Variants in SOCS2 observed in about 807,000 individuals in gnomAD.
SOCS2 encodes the protein CIS-2.
A neutral mutation model predicts 18.6 loss-of-function variants in SOCS2; 10 were observed. The ratio of observed to expected loss-of-function variants is 0.54; its 90% CI spans 0.33 to 0.91. SOCS2 has a LOEUF of 0.91. Ranked by LOEUF, SOCS2 falls within the 40% of genes least tolerant of loss-of-function variation. The pLI is 0.02. For missense variants in SOCS2, 231 were observed against 247.2 expected (o/e 0.93, Z 0.44); for synonymous variants, 104 against 104.0 (o/e 1.00, Z 0.00).
chr12:93,619,221 T>C, the SOCS2 span, among the ~76,000 whole-genome samples: 1 of 152,184 alleles, frequency 6.6e-6, no homozygotes, highest in African/African-American at 2.4e-5. Flanking sequence ...AAGCGGTGAC[T>C]GGGTAAGTTG....
the SOCS2 span, among the ~76,000 whole-genome samples, chr12:93,611,117 T>G: frequency 6.6e-6 from 1 of 152,148 alleles, no homozygotes. Context: ...GGAGATGAAC[T>G]TCTGGCCAGT....
At chr12:93,612,841 G>A in the SOCS2 span, among the ~76,000 whole-genome samples, 7 of 152,128 alleles carry the variant, frequency 4.6e-5, no homozygotes, top group Admixed American at 2.0e-4. Flanking sequence ...ACCCCTACAC[G>A]GGAATTTCTT....
At chr12:93,586,392 T>C (rs1232901154), downstream of SOCS2, among the ~76,000 whole-genome samples, 1 of 152,242 alleles carries the variant, frequency 6.6e-6, no homozygotes, top group Non-Finnish European at 1.5e-5. Context: ...TCAGGCACAT[T>C]AGAGAGTAAA....
At chr12:93,624,605 G>A in the SOCS2 span, among the ~76,000 whole-genome samples, 23,983 of 151,812 alleles carry the variant, frequency 0.16, 2,786 homozygotes, top group East Asian at 0.35. Flanking sequence ...TTAATTACCA[G>A]TTCTTAGGTG....
At chr12:93,570,709 C>G (rs1283731550), upstream of SOCS2, 1 of 152,350 alleles carries the variant, frequency 6.6e-6, no homozygotes, top group Admixed American at 6.5e-5. Flanking sequence ...TGGCTGTAGC[C>G]GGTGGCCGGG....
the SOCS2 span, among the ~76,000 whole-genome samples, chr12:93,625,993 G>T: frequency 6.6e-6 from 1 of 152,028 alleles, no homozygotes; most frequent in African/African-American, 2.4e-5. Context: ...ATGAGAAAAA[G>T]GCCTGATAAA....
the SOCS2 span, among the ~76,000 whole-genome samples, chr12:93,623,322 G>A: frequency 1.3e-5 from 2 of 152,068 alleles, no homozygotes; most frequent in Non-Finnish European, 2.9e-5. Context: ...GTTTCCTGAG[G>A]CCTCCCTAGC....
At chr12:93,596,696 C>T in the SOCS2 span, among the ~76,000 whole-genome samples, 40 of 152,152 alleles carry the variant, frequency 2.6e-4, no homozygotes, top group Non-Finnish European at 5.1e-4. Context: ...GGCGTGTTGG[C>T]CTGCGCCTGT....
the SOCS2 span, among the ~76,000 whole-genome samples, chr12:93,609,633 A>C: frequency 6.6e-6 from 1 of 152,154 alleles, no homozygotes; most frequent in Admixed American, 6.5e-5. Flanking sequence ...GATCAGAGAT[A>C]AAATAGAGAG....
the SOCS2 span, among the ~76,000 whole-genome samples, chr12:93,606,320 A>G: frequency 6.6e-6 from 1 of 152,194 alleles, no homozygotes. Context: ...TAGAAGTGCC[A>G]CAAGTGGATA....
At chr12:93,594,313 AG>A in the SOCS2 span, among the ~76,000 whole-genome samples, 1 of 152,172 alleles carries the variant, frequency 6.6e-6, no homozygotes, top group South Asian at 2.1e-4. Flanking sequence ...CTGAACTCTG[AG>A]GCTCCTTTTC....
At chr12:93,589,434 T>C in the SOCS2 span, among the ~76,000 whole-genome samples, 1 of 152,240 alleles carries the variant, frequency 6.6e-6, no homozygotes, top group African/African-American at 2.4e-5. Context: ...ATCCATATGC[T>C]TGGGCTTCCT....
At chr12:93,617,951 C>T in the SOCS2 span, among the ~76,000 whole-genome samples, 1 of 152,176 alleles carries the variant, frequency 6.6e-6, no homozygotes, top group East Asian at 1.9e-4. Flanking sequence ...ACCCAAATCT[C>T]ACGTCAAATT....
At chr12:93,621,340 T>C in the SOCS2 span, among the ~76,000 whole-genome samples, 1 of 152,180 alleles carries the variant, frequency 6.6e-6, no homozygotes, top group African/African-American at 2.4e-5. Context: ...ACACAGACTG[T>C]CTATCATGGA....
the SOCS2 span, among the ~76,000 whole-genome samples, chr12:93,614,318 G>A: frequency 9.9e-5 from 15 of 152,048 alleles, no homozygotes; most frequent in East Asian, 2.3e-3. Flanking sequence ...CCTCAACTCT[G>A]GGTGTATAGG....
chr12:93,605,246 G>A, the SOCS2 span, among the ~76,000 whole-genome samples: 4,044 of 152,120 alleles, frequency 0.027, 74 homozygotes, highest in Middle Eastern at 0.11. Flanking sequence ...TCTCTTAAAC[G>A]AGCAAGTTGC....
downstream of SOCS2, among the ~76,000 whole-genome samples, chr12:93,588,116 C>T (rs1244372528): frequency 2.0e-5 from 3 of 152,192 alleles, no homozygotes; most frequent in African/African-American, 7.2e-5. Context: ...CTGTCATTTT[C>T]ACTATCCTCT....
the SOCS2 span, among the ~76,000 whole-genome samples, chr12:93,604,778 GCCCC>G: frequency 1.3e-5 from 2 of 152,020 alleles, no homozygotes; most frequent in Non-Finnish European, 2.9e-5. Flanking sequence ...TCCCTCCTCA[GCCCC>G]CATCGTAGCT....
the SOCS2 span, among the ~76,000 whole-genome samples, chr12:93,594,862 C>G: frequency 6.6e-6 from 1 of 152,080 alleles, no homozygotes; most frequent in African/African-American, 2.4e-5. Flanking sequence ...GTTACATAAC[C>G]AGTACATGAA....
Sources: allele counts gnomAD v4.1 joint callset (sites outside exome capture counted in the v4.1 genomes callset), GRCh38; gene constraint gnomAD v4.1.1; transcripts MANE v1.5; gene names NCBI Gene and HGNC (gene_info 2026-07-23, HGNC 2026-07-21).